CDH13: variants seen among roughly 807,000 people sequenced by gnomAD.
CDH13 encodes the protein cadherin 13, also known as cadherin-13.
In CDH13, 24 loss-of-function variants were observed where a neutral mutation model predicts 63.8. The ratio of observed to expected loss-of-function variants is 0.38; its 90% CI spans 0.27 to 0.53. The LOEUF (loss-of-function observed/expected upper bound fraction) is 0.53. Ranked by LOEUF, CDH13 falls within the 20% of genes least tolerant of loss-of-function variation. CDH13 has a pLI of 0.85. For missense variants in CDH13, 1,049 were observed against 903.1 expected (o/e 1.16, Z -2.07); for synonymous variants, 503 against 355.3 (o/e 1.42, Z -4.67).
At chr16:83,713,721 C>T (rs1324668743) in intron 10 of CDH13, among the ~76,000 whole-genome samples, 1 of 152,016 alleles carries the variant, frequency 6.6e-6, no homozygotes, top group Non-Finnish European at 1.5e-5. Flanking sequence ...AACCAGAACT[C>T]GATCTGAGGG....
chr16:82,765,430 T>G (rs2151089399), intron 1 of CDH13, among the ~76,000 whole-genome samples: 1 of 152,256 alleles, frequency 6.6e-6, no homozygotes, highest in South Asian at 2.1e-4. Context: ...GATTCCCTAC[T>G]CCTTCTATTT....
intron 3 of CDH13, among the ~76,000 whole-genome samples, chr16:83,060,139 C>A (rs567568213): frequency 1.3e-5 from 2 of 152,170 alleles, no homozygotes; most frequent in South Asian, 4.1e-4. Context: ...TTCAAAAATT[C>A]CCAACTCCTC....
In CDH13 at chr16:82,644,903, G is replaced by GA. The variant is rs547376990; in HGVS notation, c.45+17774dup. Among the ~76,000 whole-genome samples, 64 of 151,958 alleles carry GA rather than the reference G, an allele frequency of 4.2e-4. No homozygotes were observed. Among genetic ancestry groups the GA allele is most frequent in the South Asian group, 2.1e-4 (1 of 4,814 alleles). On this transcript the variant is annotated intron_variant, in intron 1 of 13. Transcript: ENST00000567109. This position sits in a 1 kb window ranked among gnomAD's most constrained non-coding sequence, Gnocchi z 5.7. ...ATGGGAGGTTAATATGGGTTCTGGGGAAAAAAAATTAGGGGAATCAAAAAA... is the reference window on the plus strand; with the variant it reads ...ATGGGAGGTTAATATGGGTTCTGGGGAAAAAAAAATTAGGGGAATCAAAAAA...
At chr16:82,725,927 C>T (rs2033070530) in intron 1 of CDH13, among the ~76,000 whole-genome samples, 1 of 152,098 alleles carries the variant, frequency 6.6e-6, no homozygotes, top group Non-Finnish European at 1.5e-5. Flanking sequence ...GCAGAGTTTT[C>T]TTGGCTAAGA....
rs1049054363 is a variant in CDH13, at chr16:83,280,812, A to G, written c.636+63315A>G. 5.3e-5 allele frequency among the ~76,000 whole-genome samples: 8 copies of G among 152,222 alleles called. No individual in the cohort carries two copies. In the South Asian group the frequency reaches 8.3e-4, roughly 16 times the overall value. On this transcript the variant is annotated intron_variant, in intron 5 of 13. Coordinates refer to ENST00000567109, the MANE Select transcript of CDH13 (RefSeq NM_001257.5). Reference sequence around the variant, plus strand: ...ATACACAAAAACATTACTCTTGGACATTTCCGTCAGAGCTCTTGGGTCACT... The same window carrying G: ...ATACACAAAAACATTACTCTTGGACGTTTCCGTCAGAGCTCTTGGGTCACT...
chr16:83,562,003 G>C (rs1173540341), intron 7 of CDH13, among the ~76,000 whole-genome samples: 4 of 152,196 alleles, frequency 2.6e-5, no homozygotes, highest in African/African-American at 9.7e-5. Flanking sequence ...CAAGATCCTA[G>C]AGAGCAGAAT....
chr16:83,274,724 G>A (rs918146237), intron 5 of CDH13, among the ~76,000 whole-genome samples: 2 of 149,518 alleles, frequency 1.3e-5, no homozygotes, highest in African/African-American at 2.6e-5. Flanking sequence ...ACACCTGGTG[G>A]CAGGGGGGGT....
rs1342982706 is a variant in CDH13 at position 83,602,697 on chromosome 16, A to T, written c.1101+103A>T. On this transcript the variant is annotated intron_variant, in intron 8 of 13. Coordinates refer to ENST00000567109, the MANE Select transcript of CDH13 (RefSeq NM_001257.5). Reference sequence around the variant, plus strand: ...AGCACCTGCTGGCCCCCCTTTCAAAATCAAAATACTCCTTTGTGGGAGAGA... The same window carrying T: ...AGCACCTGCTGGCCCCCCTTTCAAATTCAAAATACTCCTTTGTGGGAGAGA... 17 of 1,126,852 alleles carry T rather than the reference A, an allele frequency of 1.5e-5. No individual in the cohort carries two copies. In the East Asian group the frequency reaches 4.0e-4, roughly 27 times the overall value. The allele number at this position is 1,126,852 out of a possible 1,614,324, so 69.8% of individuals were successfully genotyped here.
At chr16:82,813,834 C>T (rs2037568723) in intron 1 of CDH13, among the ~76,000 whole-genome samples, 1 of 152,196 alleles carries the variant, frequency 6.6e-6, no homozygotes, top group Non-Finnish European at 1.5e-5. Context: ...TTCAATCAGT[C>T]TTGGTTTCAA....
intron 8 of CDH13, among the ~76,000 whole-genome samples, chr16:83,645,911 C>A (rs1911746949): frequency 6.6e-6 from 1 of 152,204 alleles, no homozygotes; most frequent in African/African-American, 2.4e-5. Context: ...GGTGAAAAAT[C>A]ATTCTGCCAT....
At chr16:82,723,240 G>T (rs1015164366) in intron 1 of CDH13, 2 of 152,294 alleles carry the variant, frequency 1.3e-5, no homozygotes, top group Non-Finnish European at 2.9e-5. Flanking sequence ...GTATGTAGGT[G>T]GCACTCTGTT....
chr16:82,862,569 T>A lies in CDH13; in HGVS notation c.157+4096T>A, dbSNP rs543374908. Reference sequence around the variant, plus strand: ...ACCATTAGAACTGTACTTTTTTTTCTTACCCTTGTTCATTCTTTATGGGTC... The same window carrying A: ...ACCATTAGAACTGTACTTTTTTTTCATACCCTTGTTCATTCTTTATGGGTC... On this transcript the variant is annotated intron_variant, in intron 2 of 13. Coordinates refer to ENST00000567109, the MANE Select transcript of CDH13 (RefSeq NM_001257.5). Among the ~76,000 whole-genome samples the A allele has an allele frequency of 3.4e-4, 50 of 148,748 alleles. No homozygotes were observed. In the South Asian group the frequency reaches 9.3e-3, roughly 28 times the overall value.
chr16:82,731,209 G>T (rs1036825278), intron 1 of CDH13, among the ~76,000 whole-genome samples: 1 of 152,158 alleles, frequency 6.6e-6, no homozygotes, highest in Non-Finnish European at 1.5e-5. Context: ...AAAGCTAGAG[G>T]AGTATCCTAG....
At chr16:83,180,139 G>GT (rs201494723) in intron 4 of CDH13, among the ~76,000 whole-genome samples, 10,282 of 151,110 alleles carry the variant, frequency 0.068, 611 homozygotes, top group African/African-American at 0.16. Context: ...TAAAAGTAAG[G>GT]TTTTTTTTGT....
In CDH13 at chr16:83,093,294, C is replaced by CTTTTTTTTTTTTTTTTTTTTTTTTT. The variant is rs549590536; in HGVS notation, c.367-32077_367-32053dup. Reference sequence around the variant, plus strand: ...TTGTCCTGTGGAAACACCATAAGTACTTTTTTTTTTTTTTTTTTTTTTTTT... The same window carrying CTTTTTTTTTTTTTTTTTTTTTTTTT: ...TTGTCCTGTGGAAACACCATAAGTACTTTTTTTTTTTTTTTTTTTTTTTTTTTTTTTTTTTTTTTTTTTTTTTTTT... On this transcript the variant is annotated intron_variant, in intron 3 of 13. Coordinates refer to ENST00000567109, the MANE Select transcript of CDH13 (RefSeq NM_001257.5). 5.7e-5 allele frequency among the ~76,000 whole-genome samples: 2 copies of CTTTTTTTTTTTTTTTTTTTTTTTTT among 35,292 alleles called. 1 individual carries two copies. Among genetic ancestry groups the CTTTTTTTTTTTTTTTTTTTTTTTTT allele is most frequent in the Non-Finnish European group, 1.1e-4 (2 of 17,916 alleles). The allele number at this position is 35,292 out of a possible 152,430, so 23.2% of individuals were successfully genotyped here.
At chr16:83,707,186 T>C (rs1430731159) in intron 10 of CDH13, among the ~76,000 whole-genome samples, 2 of 152,204 alleles carry the variant, frequency 1.3e-5, no homozygotes, top group Non-Finnish European at 2.9e-5. Context: ...TCAGTCACTC[T>C]TCCTAAAATA....
intron 3 of CDH13, among the ~76,000 whole-genome samples, chr16:83,112,666 C>A (rs188079135): frequency 6.6e-6 from 1 of 152,222 alleles, no homozygotes; most frequent in Admixed American, 6.5e-5. Flanking sequence ...GATTATTTCT[C>A]TGCACTGTGT....
At position 83,554,160 on chromosome 16, in the gene CDH13, A is replaced by G. The variant is rs1015789244; in HGVS notation, c.961-48294A>G. ...TTTCTAGATCTTTCTAAACCAGGGTATAGAAATAGAAGGTAAAATCCTCTT... is the reference window on the plus strand; with the variant it reads ...TTTCTAGATCTTTCTAAACCAGGGTGTAGAAATAGAAGGTAAAATCCTCTT... On this transcript the variant is annotated intron_variant, in intron 7 of 13. Transcript: ENST00000567109. 3.2e-4 allele frequency among the ~76,000 whole-genome samples: 48 copies of G among 152,182 alleles called. 1 individual carries two copies. The highest frequency in any genetic ancestry group is 5.2e-4 in the Admixed American group (8 of 15,278).
chr16:83,714,046 C>T lies in CDH13; in HGVS notation c.1539-34062C>T, dbSNP rs560645803. ...GATCTCTAGCCCACCCTATACCCAT[C>T]GCTGGCCACTGGCCCCATCCAAAAC... On this transcript the variant is annotated intron_variant, in intron 10 of 13. Transcript: ENST00000567109. 1.1e-4 allele frequency among the ~76,000 whole-genome samples: 16 copies of T among 151,842 alleles called. No homozygotes were observed. The East Asian group carries it at 2.5e-3, about 24-fold the overall frequency.
Sources: allele counts gnomAD v4.1 joint callset (sites outside exome capture counted in the v4.1 genomes callset), GRCh38; gene constraint gnomAD v4.1.1; non-coding constraint Gnocchi (gnomAD v3.1); transcripts MANE v1.5; gene names NCBI Gene and HGNC (gene_info 2026-07-23, HGNC 2026-07-21).